Variants in PDSS2 observed in about 807,000 individuals in gnomAD.
The protein encoded by PDSS2 is all trans-polyprenyl-diphosphate synthase PDSS2.
PDSS2 carries 31 observed loss-of-function variants against 44.5 expected under a neutral mutation model. The observed-to-expected ratio is 0.70, with a 90% confidence interval of 0.52 to 0.94. The LOEUF (loss-of-function observed/expected upper bound fraction) is 0.94, where lower values mean the gene tolerates loss of function less well. Ranked by LOEUF, PDSS2 falls within the 40% of genes least tolerant of loss-of-function variation. The pLI is 0.00. For missense variants in PDSS2, 452 were observed against 482.2 expected, an observed-to-expected ratio of 0.94 and a Z score of 0.59; for synonymous variants, 157 against 180.3, an observed-to-expected ratio of 0.87 and a Z score of 1.03.
At chr6:107,256,819 A>T (rs535205970) in intron 3 of PDSS2, among the ~76,000 whole-genome samples, 1 of 151,958 alleles carries the variant, frequency 6.6e-6, no homozygotes, top group South Asian at 2.1e-4. Context: ...TCTGAGCCCA[A>T]GAGTTTGAGA....
At chr6:107,407,626 G>A (rs1006152456) in intron 1 of PDSS2, among the ~76,000 whole-genome samples, 1 of 152,130 alleles carries the variant, frequency 6.6e-6, no homozygotes, top group Non-Finnish European at 1.5e-5. Context: ...TATAATTTTA[G>A]AAGAATTATA....
intron 1 of PDSS2, among the ~76,000 whole-genome samples, chr6:107,377,501 A>G (rs1779321214): frequency 6.6e-6 from 1 of 152,212 alleles, no homozygotes; most frequent in Non-Finnish European, 1.5e-5. Context: ...ATCTAGAACT[A>G]GAAATACCAT....
intron 2 of PDSS2, among the ~76,000 whole-genome samples, chr6:107,323,959 C>A (rs542638596): frequency 1.3e-5 from 2 of 152,224 alleles, no homozygotes; most frequent in South Asian, 4.2e-4. Flanking sequence ...AGTAGGTAAG[C>A]CCACCTACTT....
At chr6:107,155,295 G>A (rs868931765) in intron 7 of PDSS2, among the ~76,000 whole-genome samples, 4 of 151,372 alleles carry the variant, frequency 2.6e-5, no homozygotes, top group South Asian at 2.1e-4. Context: ...ACAGGCATGC[G>A]CCACCACACC....
chr6:107,170,156 C>T (rs1225336595), intron 7 of PDSS2, among the ~76,000 whole-genome samples: 4 of 152,164 alleles, frequency 2.6e-5, no homozygotes, highest in Admixed American at 6.6e-5. Context: ...CTTTGTTTAC[C>T]TACTCAAGCC....
intron 1 of PDSS2, among the ~76,000 whole-genome samples, chr6:107,338,191 A>G (rs1250188050): frequency 2.0e-5 from 3 of 152,196 alleles, no homozygotes; most frequent in Non-Finnish European, 2.9e-5. Context: ...ACAAACAAAC[A>G]AACAAAAAAC....
In PDSS2 at chr6:107,247,839, TAAAAAA is replaced by T. The variant is rs10648723; in HGVS notation, c.631-2226_631-2221del. On this transcript the variant is annotated intron_variant, in intron 3 of 7. Coordinates refer to ENST00000369037, the MANE Select transcript of PDSS2 (RefSeq NM_020381.4). ...CAACATGGTGAAACCCTGTCTCTAC[TAAAAAA>T]AAAAAAAAAAAAAAAAGACAAAAAT... Among the ~76,000 whole-genome samples the T allele has an allele frequency of 3.4e-5, 3 of 88,040 alleles. No homozygotes were observed. In the East Asian group the frequency reaches 1.0e-3, roughly 30 times the overall value. 57.8% of individuals were successfully genotyped at this position (88,040 alleles called of 152,430 possible). A position where few individuals can be genotyped will look rare whatever the true frequency, so the allele number is the denominator to read the frequency against.
intron 1 of PDSS2, among the ~76,000 whole-genome samples, chr6:107,334,913 T>C (rs1038559974): frequency 6.6e-6 from 1 of 151,844 alleles, no homozygotes; most frequent in Non-Finnish European, 1.5e-5. Flanking sequence ...TCCCAGTGCT[T>C]TGGGGGGCCA....
intron 4 of PDSS2, among the ~76,000 whole-genome samples, chr6:107,227,399 G>A (rs973601818): frequency 1.4e-4 from 20 of 146,950 alleles, no homozygotes; most frequent in Non-Finnish European, 1.5e-4. Flanking sequence ...AGCGATTCTC[G>A]TGCCTCAGCC....
chr6:107,226,869 C>T (rs1325769792), intron 4 of PDSS2, among the ~76,000 whole-genome samples: 18 of 151,034 alleles, frequency 1.2e-4, no homozygotes. Context: ...GAAGTGGTTT[C>T]ACCATGTTGG....
chr6:107,311,608 G>A (rs1052549203), intron 2 of PDSS2, among the ~76,000 whole-genome samples: 2 of 152,132 alleles, frequency 1.3e-5, no homozygotes, highest in Admixed American at 1.3e-4. Context: ...TCCTTGAAGA[G>A]TCTATAATCT....
chr6:107,451,357 G>A (rs1001274210), intron 1 of PDSS2, among the ~76,000 whole-genome samples: 1 of 152,040 alleles, frequency 6.6e-6, no homozygotes, highest in Non-Finnish European at 1.5e-5. Flanking sequence ...AAAGAGTCTT[G>A]GAAGATGTCC....
At chr6:107,269,633 C>T (rs1582873246) in intron 3 of PDSS2, among the ~76,000 whole-genome samples, 2 of 151,986 alleles carry the variant, frequency 1.3e-5, no homozygotes, top group Admixed American at 6.6e-5. Context: ...TGATGTTGAA[C>T]GAAATGCTGC....
At chr6:107,289,585 C>T (rs901788061) in intron 2 of PDSS2, among the ~76,000 whole-genome samples, 33 of 151,234 alleles carry the variant, frequency 2.2e-4, no homozygotes, top group African/African-American at 8.0e-4. Context: ...GTCCTAGCTA[C>T]TCAGGAGGCT....
chr6:107,214,711 A>G (rs1237837176), intron 4 of PDSS2, among the ~76,000 whole-genome samples: 1 of 152,226 alleles, frequency 6.6e-6, no homozygotes, highest in Non-Finnish European at 1.5e-5. Flanking sequence ...GGTCAGCTGA[A>G]ATAGAGCCCC....
At chr6:107,406,042 T>A (rs374689825) in intron 1 of PDSS2, among the ~76,000 whole-genome samples, 1 of 152,144 alleles carries the variant, frequency 6.6e-6, no homozygotes, top group Admixed American at 6.5e-5. Flanking sequence ...GTACCTCCTA[T>A]ATTAATACAA....
At chr6:107,241,009 G>A (rs935704413) in intron 4 of PDSS2, among the ~76,000 whole-genome samples, 3 of 151,972 alleles carry the variant, frequency 2.0e-5, no homozygotes, top group Non-Finnish European at 2.9e-5. Context: ...AGCACTTTGG[G>A]AGGCTGAGGA....
intron 2 of PDSS2, among the ~76,000 whole-genome samples, chr6:107,304,398 G>A (rs1171881719): frequency 2.6e-5 from 4 of 152,162 alleles, no homozygotes; most frequent in South Asian, 2.1e-4. Flanking sequence ...TATACGTAAC[G>A]CTTTTCTTTA....
chr6:107,209,173 C>T (rs1018427036), intron 6 of PDSS2, among the ~76,000 whole-genome samples: 7 of 152,096 alleles, frequency 4.6e-5, no homozygotes, highest in Non-Finnish European at 1.0e-4. Context: ...TCTCTATTTC[C>T]GCTAAGTTCC....
Sources: allele counts gnomAD v4.1 joint callset (sites outside exome capture counted in the v4.1 genomes callset), GRCh38; gene constraint gnomAD v4.1.1; transcripts MANE v1.5; gene names NCBI Gene and HGNC (gene_info 2026-07-23, HGNC 2026-07-21).